The following NCALD variants were observed in gnomAD, a reference collection of about 807,000 sequenced individuals.
NCALD encodes the protein neurocalcin-delta.
Under a neutral mutation model 18.6 loss-of-function variants are expected in NCALD, and 10 were observed. The observed-to-expected ratio is 0.54, with a 90% CI of 0.33 to 0.91. The LOEUF (loss-of-function observed/expected upper bound fraction) is 0.91, where lower values mean the gene tolerates loss of function less well. NCALD is among the 40% of genes least tolerant of loss of function. NCALD has a pLI of 0.03. For synonymous variants in NCALD, 88 were observed against 87.4 expected, an observed-to-expected ratio of 1.01 and a Z score of -0.04; for missense variants, 184 against 247.6, an observed-to-expected ratio of 0.74 and a Z score of 1.72.
chr8:101,898,840 G>T (rs1462216154), intron 3 of NCALD, among the ~76,000 whole-genome samples: 1 of 151,742 alleles, frequency 6.6e-6, no homozygotes, highest in African/African-American at 2.4e-5. Flanking sequence ...TTTCCTTTTT[G>T]AAATTATTTT....
At chr8:101,883,961 G>A (rs2131471249) in intron 4 of NCALD, among the ~76,000 whole-genome samples, 1 of 152,184 alleles carries the variant, frequency 6.6e-6, no homozygotes, top group Non-Finnish European at 1.5e-5. Flanking sequence ...AAGACCACAG[G>A]ACTCATTTCC....
intron 1 of NCALD, among the ~76,000 whole-genome samples, chr8:101,775,398 G>A (rs1811751252): frequency 6.6e-6 from 1 of 152,166 alleles, no homozygotes. Context: ...GGAGGTACAG[G>A]AGGCTCTCAA....
At chr8:101,906,726 T>C (rs1185655954) in intron 3 of NCALD, among the ~76,000 whole-genome samples, 3 of 152,040 alleles carry the variant, frequency 2.0e-5, no homozygotes, top group Admixed American at 2.0e-4. Flanking sequence ...GACTACAGAG[T>C]GGGTCAAGAG....
intron 2 of NCALD, among the ~76,000 whole-genome samples, chr8:101,958,379 TA>T: frequency 6.6e-6 from 1 of 152,178 alleles, no homozygotes; most frequent in Middle Eastern, 3.4e-3. Flanking sequence ...TCGTACAGCA[TA>T]ATTGGTCACA....
chr8:101,833,155 T>C (rs1233743640), intron 4 of NCALD, among the ~76,000 whole-genome samples: 3 of 152,132 alleles, frequency 2.0e-5, no homozygotes, highest in Non-Finnish European at 4.4e-5. Context: ...TATGATGGAG[T>C]CAGACTAGAC....
chr8:101,799,188 T>TA (rs202006006), intron 4 of NCALD, among the ~76,000 whole-genome samples: 1 of 151,380 alleles, frequency 6.6e-6, no homozygotes, highest in South Asian at 2.1e-4. Context: ...CAAACAAGTA[T>TA]AAAAAAAAAT....
intron 1 of NCALD, among the ~76,000 whole-genome samples, chr8:102,060,183 G>A (rs936291807): frequency 4.6e-5 from 7 of 151,692 alleles, no homozygotes; most frequent in Admixed American, 2.6e-4. Context: ...GGGTTTCACT[G>A]TGTTAGCCAG....
chr8:102,035,564 C>T lies in NCALD; in HGVS notation c.-209-15275G>A, dbSNP rs545836974. Among the ~76,000 whole-genome samples, 12 of 152,160 alleles carry T rather than the reference C, an allele frequency of 7.9e-5. No individual in the cohort carries two copies. In the South Asian group the frequency reaches 2.5e-3, roughly 32 times the overall value. ...AGAGAAAGGCAGTAGAATCCAGGAA[C>T]TAATTAAAACAGTGAATCAGCGTTT... is the stretch of plus-strand genomic sequence containing the variant. On this transcript the variant is annotated intron_variant, in intron 1 of 6. Transcript: ENST00000311028.
At chr8:101,751,206 A>G (rs1563730597) in intron 1 of NCALD, among the ~76,000 whole-genome samples, 4 of 152,216 alleles carry the variant, frequency 2.6e-5, no homozygotes, top group Non-Finnish European at 5.9e-5. Flanking sequence ...TGAACCTCGA[A>G]GATATTATGC....
At chr8:101,786,391 A>G (rs1812229390) in intron 1 of NCALD, among the ~76,000 whole-genome samples, 1 of 152,170 alleles carries the variant, frequency 6.6e-6, no homozygotes, top group South Asian at 2.1e-4. Flanking sequence ...CCGTTAATAA[A>G]TGTTCGCCAA....
rs1019163340 is a variant in NCALD at position 101,689,214 on chromosome 8, T to C, written c.*95A>G. The C allele has an allele frequency of 6.1e-6, 7 of 1,149,612 alleles. No homozygotes were observed. Among genetic ancestry groups the C allele is most frequent in the African/African-American group, 3.1e-5 (2 of 63,780 alleles). 71.2% of individuals were successfully genotyped at this position (1,149,612 alleles called of 1,614,324 possible). A position where few individuals can be genotyped will look rare whatever the true frequency, so the allele number is the denominator to read the frequency against. On this transcript the variant is annotated 3_prime_UTR_variant, in exon 4 of 4. Coordinates refer to ENST00000220931, the MANE Select transcript of NCALD (RefSeq NM_032041.3). The surrounding 1 kb of genome is among the most constrained non-coding windows in gnomAD (Gnocchi z 4.4). Reference sequence around the variant, plus strand: ...GACCGCACAGGGGACGGCATCACCATTGATATTGTTTGGCAAAAAAAAAAA... The same window carrying C: ...GACCGCACAGGGGACGGCATCACCACTGATATTGTTTGGCAAAAAAAAAAA...
chr8:101,743,102 T>C (rs1057021415), intron 1 of NCALD, among the ~76,000 whole-genome samples: 1 of 152,172 alleles, frequency 6.6e-6, no homozygotes, highest in Non-Finnish European at 1.5e-5. Context: ...GTAGATCAAA[T>C]AGCAGGATTG....
chr8:101,946,200 T>C (rs1053304861), intron 2 of NCALD, among the ~76,000 whole-genome samples: 1 of 152,208 alleles, frequency 6.6e-6, no homozygotes, highest in Non-Finnish European at 1.5e-5. Flanking sequence ...AATGGGGTAA[T>C]TTACAATCTT....
chr8:101,986,273 T>C (rs1563511322), intron 2 of NCALD, among the ~76,000 whole-genome samples: 1 of 152,156 alleles, frequency 6.6e-6, no homozygotes, highest in Non-Finnish European at 1.5e-5. Context: ...TCAGGTAATC[T>C]GCCTGCCTCA....
intron 4 of NCALD, among the ~76,000 whole-genome samples, chr8:101,839,492 A>C (rs1814552749): frequency 6.6e-6 from 1 of 152,164 alleles, no homozygotes; most frequent in African/African-American, 2.4e-5. Flanking sequence ...TGGCTCTGCC[A>C]AGGTGCAAAG....
rs896524711 is a variant in NCALD at position 102,053,660 on chromosome 8, A to G, written c.-209-33371T>C. 2.6e-5 allele frequency among the ~76,000 whole-genome samples: 4 copies of G among 152,232 alleles called. No homozygotes were observed. The East Asian group carries it at 7.7e-4, about 29-fold the overall frequency. Reference sequence around the variant, plus strand: ...CCACCTAGTAATACTAACATATACCAGAGGAATTAGATGTCATTTCTCTTT... The same window carrying G: ...CCACCTAGTAATACTAACATATACCGGAGGAATTAGATGTCATTTCTCTTT... On this transcript the variant is annotated intron_variant, in intron 1 of 6. Coordinates refer to the NCALD transcript ENST00000311028.
chr8:102,111,219 C>G (rs1469660814), intron 1 of NCALD, among the ~76,000 whole-genome samples: 2 of 152,070 alleles, frequency 1.3e-5, no homozygotes, highest in Non-Finnish European at 2.9e-5. Flanking sequence ...AAATGTCTTC[C>G]TGTTGCTTTC....
chr8:101,753,023 A>G (rs1356621365), intron 1 of NCALD, among the ~76,000 whole-genome samples: 1 of 151,690 alleles, frequency 6.6e-6, no homozygotes, highest in Non-Finnish European at 1.5e-5. Flanking sequence ...CTCAGTAGCC[A>G]CATGTGGCCA....
chr8:101,944,056 G>A (rs1312409924), intron 2 of NCALD, among the ~76,000 whole-genome samples: 1 of 152,174 alleles, frequency 6.6e-6, no homozygotes, highest in African/African-American at 2.4e-5. Context: ...CCTTCCAGCA[G>A]CCTAGTATTG....
Sources: gnomAD v4.1 joint callset for allele counts (sites outside exome capture counted in the v4.1 genomes callset) on GRCh38, gnomAD v4.1.1 for gene constraint, Gnocchi (gnomAD v3.1) non-coding constraint, MANE v1.5 for transcripts, NCBI Gene and HGNC (gene_info 2026-07-23, HGNC 2026-07-21) for gene names.